The following GRHPR variants were observed in gnomAD, a reference collection of about 807,000 sequenced individuals.
GRHPR encodes the protein glyoxylate reductase/hydroxypyruvate reductase.
GRHPR carries 35 observed loss-of-function variants against 36.8 expected under a neutral mutation model. That is an observed-to-expected ratio of 0.95 (90% CI 0.73 to 1.26). The LOEUF (loss-of-function observed/expected upper bound fraction) is 1.26, where lower values mean the gene tolerates loss of function less well. GRHPR is among the 50% of genes most tolerant of loss of function. The probability of loss-of-function intolerance (pLI) is 0.00; values close to 1 mark genes in which losing one functional copy is unlikely to be tolerated. For synonymous variants in GRHPR, 179 were observed against 181.0 expected, an observed-to-expected ratio of 0.99 and a Z score of 0.09; for missense variants, 380 against 435.0, an observed-to-expected ratio of 0.87 and a Z score of 1.12.
rs180177325 is a variant in GRHPR at position 37,436,760 on chromosome 9, T to G, written c.965T>G (p.Met322Arg). 3 of 1,613,926 alleles carry G rather than the reference T, an allele frequency of 1.9e-6. No individual in the cohort carries two copies. In the African/African-American group the frequency reaches 4.0e-5, roughly 22 times the overall value. The change falls in exon 9 of 9, where the codon ATG (methionine) becomes AGG (arginine). Residue 322 changes from methionine to arginine, a missense_variant. By Grantham distance (91) the Met-to-Arg change is moderately conservative. Coordinates refer to ENST00000318158, the MANE Select transcript of GRHPR (RefSeq NM_012203.2). Reference sequence around the variant, plus strand: ...CTGGCTGGCCTGAGAGGGGAGCCGATGCCTAGTGAACTCAAGCTGTAGCCA... The same window carrying G: ...CTGGCTGGCCTGAGAGGGGAGCCGAGGCCTAGTGAACTCAAGCTGTAGCCA... ...NLLAGLRGEP[M>R]PSELKL
intron 5 of GRHPR, 121 bp downstream of exon 5, chr9:37,428,693 G>A (rs1180444706): frequency 1.3e-6 from 1 of 749,632 alleles, no homozygotes; most frequent in South Asian, 1.4e-5. Context: ...GCTTGCAGTA[G>A]AGATATCTCT....
chr9:37,438,013 A>C (rs1021862915), downstream of GRHPR: 6 of 152,240 alleles, frequency 3.9e-5, no homozygotes, highest in Admixed American at 2.0e-4. Flanking sequence ...GGTTTGGTTT[A>C]AAACAAAGTA....
intron 8 of GRHPR, 82 bp downstream of exon 8, chr9:37,432,220 T>A: frequency 7.2e-7 from 1 of 1,386,040 alleles, no homozygotes; most frequent in Non-Finnish European, 1.0e-6. Context: ...GGGCCGGGTG[T>A]GGAGCTAGTG....
intron 7 of GRHPR, chr9:37,431,105 TCA>T (rs1159246131): frequency 2.2e-6 from 1 of 460,354 alleles, no homozygotes; most frequent in African/African-American, 2.0e-5. Flanking sequence ...TCGTAGCTCC[TCA>T]CACTGTCCCT....
chr9:37,424,146 A>G (rs146672660), intron 1 of GRHPR, among the ~76,000 whole-genome samples: 4 of 152,338 alleles, frequency 2.6e-5, no homozygotes, highest in Non-Finnish European at 5.9e-5. Context: ...ACTGAGCAGG[A>G]GAAGGTGGAA....
At chr9:37,438,278 C>T (rs1346229121), downstream of GRHPR, 1 of 152,578 alleles carries the variant, frequency 6.6e-6, no homozygotes, top group African/African-American at 2.4e-5. Context: ...AATCAAAATT[C>T]AGGTACCCAA....
rs119490108 is a variant in GRHPR, at chr9:37,426,545, C to T, written c.295C>T (p.Arg99Ter). 1.4e-5 allele frequency: 22 copies of T among 1,604,516 alleles called. 1 individual carries two copies. The highest frequency in any genetic ancestry group is 5.5e-5 in the South Asian group (5 of 90,916). The change falls in exon 4 of 9, where the codon CGA (arginine) becomes TGA (stop). Residue 99 changes from arginine to a stop codon, truncating the protein, a stop_gained. Coordinates refer to ENST00000318158, the MANE Select transcript of GRHPR (RefSeq NM_012203.2). LOFTEE classifies it high-confidence loss of function. ...CAGATGTCTGATTCGTAGTGGGATC[C>T]GAGTTGGCTACACCCCAGATGTCCT... ...ALDEIKKRGI[R>*]VGYTPDVLTD...
At chr9:37,422,651 A>G (rs916608046), upstream of GRHPR, 26 of 943,644 alleles carry the variant, frequency 2.8e-5, 1 homozygote, top group South Asian at 5.6e-5. Context: ...GCCGCGCGCG[A>G]CGTCTCTCCC....
At chr9:37,432,467 CAG>C (rs765259871) in intron 8 of GRHPR, 6 of 341,280 alleles carry the variant, frequency 1.8e-5, no homozygotes, top group Non-Finnish European at 2.9e-5. Context: ...ATCACGAGGT[CAG>C]GGGTTCGAGA....
chr9:37,431,949 C>CA, intron 7 of GRHPR, 59 bp from the exon 8 acceptor site: 1 of 1,600,060 alleles, frequency 6.2e-7, no homozygotes, highest in Non-Finnish European at 8.6e-7. Flanking sequence ...TGTTCTGCCT[C>CA]AAAGGTGGCC....
Position 37,432,092 on chromosome 9 carries a change from A to G in GRHPR, c.819A>G (p.Pro273=). Residue 273 remains proline (P), a synonymous_variant, in exon 8 of 9, where the codon CCA becomes CCG. Transcript: ENST00000318158. ...CTGCTGGACTGGATGTGACGAGCCC[A>G]GAACCACTGCCTACAAACCACCCTC... is the stretch of plus-strand genomic sequence containing the variant. ...IAAAGLDVTS[P]EPLPTNHPLL... The G allele has an allele frequency of 6.2e-7, 1 of 1,614,134 alleles. No individual in the cohort carries two copies.
chr9:37,431,644 C>T, intron 7 of GRHPR: 1 of 312,956 alleles, frequency 3.2e-6, no homozygotes, highest in Non-Finnish European at 6.3e-6. Flanking sequence ...TGGGGCCTAA[C>T]ACAGATGCCC....
intron 4 of GRHPR, 59 bp downstream of exon 4, chr9:37,426,713 G>GCCTC: frequency 1.1e-6 from 1 of 928,820 alleles, no homozygotes; most frequent in Non-Finnish European, 1.8e-6. Flanking sequence ...ACTTTGGGAG[G>GCCTC]CCAAAGTGAG....
chr9:37,429,489 G>C (rs921487728), intron 5 of GRHPR: 6 of 568,584 alleles, frequency 1.1e-5, no homozygotes, highest in African/African-American at 7.5e-5. Context: ...GACAGCATCA[G>C]CCAGTCACAG....
At chr9:37,439,287 A>C (rs1264440346), downstream of GRHPR, 1 of 152,248 alleles carries the variant, frequency 6.6e-6, no homozygotes, top group Non-Finnish European at 1.5e-5. Context: ...TGCCTCCAAC[A>C]GTCTCAGATG....
intron 6 of GRHPR, chr9:37,430,263 G>T: frequency 1.7e-6 from 1 of 593,444 alleles, no homozygotes; most frequent in South Asian, 1.9e-5. Flanking sequence ...TGGCAGGCTG[G>T]ATCTCAAGCA....
In GRHPR at chr9:37,430,508, C is replaced by T. The variant is rs1211615829; in HGVS notation, c.599-3C>T. 6.2e-7 allele frequency: 1 copy of T among 1,613,626 alleles called. No homozygotes were observed. On this transcript the variant is annotated splice_region_variant and splice_polypyrimidine_tract_variant and intron_variant, in intron 6 of 8. Transcript: ENST00000318158. ...TGCCTGATGGAGTCCTGCCCTCCCT[C>T]AGTGTCTACCCCTGAGCTGGCTGCC...
Position 37,427,178 on chromosome 9 carries a change from G to A in GRHPR, c.404+524G>A, listed in dbSNP as rs374895970. Among the ~76,000 whole-genome samples, 11 of 152,326 alleles carry A rather than the reference G, an allele frequency of 7.2e-5. No homozygotes were observed. The East Asian group carries it at 1.4e-3, about 19-fold the overall frequency. On this transcript the variant is annotated intron_variant, in intron 4 of 8. Coordinates refer to ENST00000318158, the MANE Select transcript of GRHPR (RefSeq NM_012203.2). ...GAGGACAAACAAGTTCTGCTGGTGG[G>A]TGAGGGCTGGCAGGGAGAGTGTGGA...
At chr9:37,424,716 C>T in intron 1 of GRHPR, 129 bp from the exon 2 acceptor site, 1 of 1,070,674 alleles carries the variant, frequency 9.3e-7, no homozygotes, top group Non-Finnish European at 1.3e-6. Flanking sequence ...CCCTGCCTGA[C>T]CCTGCCTCCC....
Sources: gnomAD v4.1 joint callset for allele counts (sites outside exome capture counted in the v4.1 genomes callset) on GRCh38, gnomAD v4.1.1 for gene constraint, MANE v1.5 for transcripts, NCBI Gene and HGNC (gene_info 2026-07-23, HGNC 2026-07-21) for gene names.